DLGAP3: variants seen among roughly 807,000 people sequenced by gnomAD.
The protein encoded by DLGAP3 is DLG associated protein 3.
A neutral mutation model predicts 81.2 loss-of-function variants in DLGAP3; 17 were observed. The observed-to-expected ratio is 0.21, with a 90% CI of 0.14 to 0.31. DLGAP3 has a LOEUF of 0.31. Among genes scored for constraint, DLGAP3 ranks in the 10% least tolerant of loss-of-function variants. The probability of loss-of-function intolerance (pLI) is 1.00; values close to 1 mark genes in which losing one functional copy is unlikely to be tolerated. For synonymous variants in DLGAP3, 577 were observed against 587.4 expected (o/e 0.98, Z 0.26); for missense variants, 1,124 against 1,388.0 (o/e 0.81, Z 3.02).
rs1009263666 is a variant in DLGAP3, at chr1:34,903,794, C to T, written c.1107+483G>A. Among the ~76,000 whole-genome samples, 15 of 152,354 alleles carry T rather than the reference C, an allele frequency of 9.8e-5. 1 individual carries two copies. The highest frequency in any genetic ancestry group is 3.4e-4 in the African/African-American group (14 of 41,578). ...CCGGAATGACAAACCTCAGCAGAGG[C>T]ACATTCTAGAAATAACTGATCTTCA... is the stretch of plus-strand genomic sequence containing the variant. On this transcript the variant is annotated intron_variant, in intron 3 of 11. Transcript: ENST00000373347.
In DLGAP3 at chr1:34,895,453, A is replaced by C. The variant is rs931324688; in HGVS notation, c.1386+4216T>G. 2.6e-5 allele frequency among the ~76,000 whole-genome samples: 4 copies of C among 152,042 alleles called. No homozygotes were observed. The highest frequency in any genetic ancestry group is 4.4e-5 in the Non-Finnish European group (3 of 68,002). ...AGAAGAACTGAATAAATGGAAATAC[A>C]TCCAATATTCAAGGATAATAATACT... On this transcript the variant is annotated intron_variant, in intron 5 of 11. Transcript: ENST00000373347. This position sits in a 1 kb window ranked among gnomAD's most constrained non-coding sequence, Gnocchi z 4.5.
intron 1 of DLGAP3, among the ~76,000 whole-genome samples, chr1:34,914,203 G>T (rs1569659661): frequency 1.3e-5 from 2 of 152,178 alleles, no homozygotes; most frequent in African/African-American, 4.8e-5. Flanking sequence ...TCCTTCTCCA[G>T]GGCTGCCATA....
chr1:34,899,625 C>A, intron 5 of DLGAP3, 44 bp downstream of exon 5: 4 of 1,492,802 alleles, frequency 2.7e-6, no homozygotes, highest in Non-Finnish European at 3.7e-6. Flanking sequence ...GGGACTGAAT[C>A]CCTTTTTCAC....
chr1:34,916,646 T>TTTTTA (rs139003111), intron 1 of DLGAP3, among the ~76,000 whole-genome samples: 101 of 138,102 alleles, frequency 7.3e-4, no homozygotes, highest in African/African-American at 2.2e-3. Flanking sequence ...ATACTTTTAT[T>TTTTTA]TTTTATTTTA....
At chr1:34,886,943 CTTTTTTTTTT>C (rs949966445) in intron 5 of DLGAP3, among the ~76,000 whole-genome samples, 10 of 64,304 alleles carry the variant, frequency 1.6e-4, no homozygotes, top group South Asian at 1.2e-3. Context: ...CCCCCACCTT[CTTTTTTTTTT>C]TTTTTTTTTT....
Position 34,912,423 on chromosome 1 carries a change from T to C in DLGAP3, c.-134-4986A>G, listed in dbSNP as rs72894136. The stretch of plus-strand genomic sequence containing the variant: ...GATGCCTTGGGCCAAGATGAAGACT[T>C]CAAAAGTCAAATTTTAGCCAATTCA... On this transcript the variant is annotated intron_variant, in intron 1 of 11. Transcript: ENST00000373347. Among the ~76,000 whole-genome samples, 323 of 152,248 alleles carry C rather than the reference T, an allele frequency of 2.1e-3. 4 individuals carry two copies. Among genetic ancestry groups the C allele is most frequent in the African/African-American group, 7.6e-3 (316 of 41,532 alleles).
At chr1:34,876,962 C>T (rs2148396853) in intron 8 of DLGAP3, among the ~76,000 whole-genome samples, 1 of 152,242 alleles carries the variant, frequency 6.6e-6, no homozygotes, top group Middle Eastern at 3.4e-3. Flanking sequence ...TAGGAAGCTC[C>T]CACTCACACC....
chr1:34,878,432 T>C (rs1349072555), intron 8 of DLGAP3, among the ~76,000 whole-genome samples: 1 of 151,412 alleles, frequency 6.6e-6, no homozygotes, highest in East Asian at 1.9e-4. Flanking sequence ...GCCATAGCAA[T>C]AAAAATCAGG....
Position 34,885,617 on chromosome 1 carries a change from G to A in DLGAP3, c.1775C>T (p.Ala592Val). The part of the protein sequence containing the change: ...ADGLDGPAMG[A>V]RTLELAPVPP... Reference sequence around the variant, plus strand: ...CACCGGCGCCAACTCCAGTGTGCGCGCACCCATGGCGGGGCCGTCCAGCCC... The same window carrying A: ...CACCGGCGCCAACTCCAGTGTGCGCACACCCATGGCGGGGCCGTCCAGCCC... The change falls in exon 7 of 12, where the codon GCG becomes GTG. Residue 592 changes from alanine (A) to valine (V), a missense_variant. By Grantham distance (64) the Ala-to-Val change is moderately conservative (BLOSUM62 0). Transcript: ENST00000373347. 5 of 1,566,538 alleles carry A rather than the reference G, an allele frequency of 3.2e-6. No homozygotes were observed. Among genetic ancestry groups the A allele is most frequent in the Non-Finnish European group, 8.6e-7 (1 of 1,161,466 alleles).
At position 34,921,537 on chromosome 1, in the gene DLGAP3, CCTT is replaced by C. The variant is rs1400859363; in HGVS notation, c.-135+7911_-135+7913del. Reference sequence around the variant, plus strand: ...GTGTGTCTACCCTCCTTAACACTCTCCTTATTTGGTTCCAGGTCCTTTGCTCTC... The same window carrying C: ...GTGTGTCTACCCTCCTTAACACTCTCATTTGGTTCCAGGTCCTTTGCTCTC... On this transcript the variant is annotated intron_variant, in intron 1 of 11. Transcript: ENST00000373347. Among the ~76,000 whole-genome samples the C allele has an allele frequency of 4.6e-5, 7 of 152,336 alleles. No homozygotes were observed. In the East Asian group the frequency reaches 9.6e-4, roughly 21 times the overall value.
rs754645878 is a variant in DLGAP3 at position 34,904,260 on chromosome 1, C to T, written c.1107+17G>A. On this transcript the variant is annotated intron_variant, in intron 3 of 11. Coordinates refer to ENST00000373347, the MANE Select transcript of DLGAP3 (RefSeq NM_001080418.3). The surrounding 1 kb of genome is among the most constrained non-coding windows in gnomAD (Gnocchi z 8.1). ...GAAGGCTAAGGACTCTGTTCCCCAA[C>T]CCCAAAAAAGCCTCACCTGCAGATA... 6.2e-7 allele frequency: 1 copy of T among 1,600,962 alleles called. No homozygotes were observed. The highest frequency in any genetic ancestry group is 1.1e-5 in the South Asian group (1 of 91,076).
intron 2 of DLGAP3, among the ~76,000 whole-genome samples, chr1:34,906,188 G>A (rs976937579): frequency 4.6e-5 from 7 of 150,898 alleles, no homozygotes; most frequent in South Asian, 2.1e-4. Context: ...GTATGTGTGT[G>A]AATATGTCCT....
intron 1 of DLGAP3, among the ~76,000 whole-genome samples, chr1:34,912,793 C>A (rs966626108): frequency 6.6e-6 from 1 of 152,218 alleles, no homozygotes; most frequent in African/African-American, 2.4e-5. Flanking sequence ...CAGCCCTTCA[C>A]ACTGGGAGCC....
At chr1:34,897,981 A>C (rs1224571921) in intron 5 of DLGAP3, among the ~76,000 whole-genome samples, 3 of 152,228 alleles carry the variant, frequency 2.0e-5, no homozygotes, top group Non-Finnish European at 4.4e-5. Flanking sequence ...ATAGAGCAGC[A>C]ACTGCGGCAG....
At chr1:34,913,333 T>G (rs4652869) in intron 1 of DLGAP3, among the ~76,000 whole-genome samples, 52,163 of 152,052 alleles carry the variant, frequency 0.34, 10,217 homozygotes, top group South Asian at 0.5. Context: ...GTGCTCGGCC[T>G]GTGAATAACC....
intron 8 of DLGAP3, among the ~76,000 whole-genome samples, chr1:34,882,459 C>T (rs1009306592): frequency 2.6e-5 from 4 of 152,030 alleles, no homozygotes; most frequent in African/African-American, 9.7e-5. Context: ...GCCTGGACGA[C>T]AAGAGCAAAA....
At chr1:34,919,455 G>A (rs904996043) in intron 1 of DLGAP3, among the ~76,000 whole-genome samples, 2 of 152,130 alleles carry the variant, frequency 1.3e-5, no homozygotes, top group Non-Finnish European at 2.9e-5. Context: ...TGCAACACAA[G>A]CTCAATTCTC....
intron 1 of DLGAP3, among the ~76,000 whole-genome samples, chr1:34,926,506 G>A (rs368794061): frequency 6.6e-6 from 1 of 152,250 alleles, no homozygotes; most frequent in East Asian, 1.9e-4. Context: ...TGGAGGGTAC[G>A]CAGCTGTTCT....
At chr1:34,918,627 A>G (rs1639755599) in intron 1 of DLGAP3, among the ~76,000 whole-genome samples, 1 of 152,134 alleles carries the variant, frequency 6.6e-6, no homozygotes, top group Non-Finnish European at 1.5e-5. Flanking sequence ...TTTCCTTTTG[A>G]AAAATAGTGA....
Sources: allele counts gnomAD v4.1 joint callset (sites outside exome capture counted in the v4.1 genomes callset), GRCh38; gene constraint gnomAD v4.1.1; non-coding constraint Gnocchi (gnomAD v3.1); transcripts MANE v1.5; gene names NCBI Gene and HGNC (gene_info 2026-07-23, HGNC 2026-07-21).